Variants in OPCML observed in about 807,000 individuals in gnomAD.
The protein encoded by OPCML is opioid binding protein/cell adhesion molecule like.
A neutral mutation model predicts 37.8 loss-of-function variants in OPCML; 13 were observed. The observed-to-expected ratio is 0.34, with a 90% CI of 0.22 to 0.55. The LOEUF (loss-of-function observed/expected upper bound fraction) is 0.55, where lower values mean the gene tolerates loss of function less well. Among genes scored for constraint, OPCML ranks in the 20% least tolerant of loss-of-function variants. The pLI is 0.91. For missense variants in OPCML, 341 were observed against 435.6 expected (o/e 0.78, Z 1.93); for synonymous variants, 176 against 168.8 (o/e 1.04, Z -0.33).
At position 132,811,231 on chromosome 11, in the gene OPCML, T is replaced by C. The variant is rs1340976659; in HGVS notation, c.146+131695A>G. ...TCTCTAGGTTGGGAAACAGGGAATGTGGTCATTATTCTCTCCATTAAAATC... is the reference window on the plus strand; with the variant it reads ...TCTCTAGGTTGGGAAACAGGGAATGCGGTCATTATTCTCTCCATTAAAATC... On this transcript the variant is annotated intron_variant, in intron 2 of 7. Coordinates refer to ENST00000524381, the MANE Select transcript of OPCML (RefSeq NM_001012393.5). Among the ~76,000 whole-genome samples, 9 of 152,206 alleles carry C rather than the reference T, an allele frequency of 5.9e-5. No individual in the cohort carries two copies. In the East Asian group the frequency reaches 1.5e-3, roughly 26 times the overall value.
At position 133,455,774 on chromosome 11, in the gene OPCML, T is replaced by G. The variant is rs537763890; in HGVS notation, c.61+76490A>C. On this transcript the variant is annotated intron_variant, in intron 1 of 7. Transcript: ENST00000524381. ...TATCTGCAGATATACTAAAATGACT[T>G]TATATGAGCTCTGAAAACTAGTCAA... is the stretch of plus-strand genomic sequence containing the variant. Among the ~76,000 whole-genome samples the G allele has an allele frequency of 3.9e-5, 6 of 151,972 alleles. No homozygotes were observed. In the South Asian group the frequency reaches 8.3e-4, roughly 21 times the overall value.
At chr11:133,355,060 A>G (rs944268400) in intron 1 of OPCML, among the ~76,000 whole-genome samples, 23 of 152,270 alleles carry the variant, frequency 1.5e-4, no homozygotes, top group African/African-American at 5.3e-4. Flanking sequence ...ACCTACAAGA[A>G]AAAGGTCATA....
At chr11:133,204,355 C>G (rs1032346901) in intron 1 of OPCML, among the ~76,000 whole-genome samples, 2 of 152,154 alleles carry the variant, frequency 1.3e-5, no homozygotes, top group African/African-American at 4.8e-5. Context: ...TAAACCTACC[C>G]TTATTCTCCA....
intron 1 of OPCML, among the ~76,000 whole-genome samples, chr11:133,215,683 C>T (rs1939554403): frequency 6.6e-6 from 1 of 152,134 alleles, no homozygotes; most frequent in Non-Finnish European, 1.5e-5. Flanking sequence ...AGAACGTCTA[C>T]TTTGATGCCC....
At chr11:132,656,730 C>A (rs1474273242) in intron 3 of OPCML, among the ~76,000 whole-genome samples, 2 of 152,112 alleles carry the variant, frequency 1.3e-5, no homozygotes, top group Admixed American at 6.6e-5. Context: ...ATGAAATAAG[C>A]CTATAAGAGA....
chr11:133,411,715 C>T (rs143319742), intron 1 of OPCML, among the ~76,000 whole-genome samples: 1 of 152,282 alleles, frequency 6.6e-6, no homozygotes, highest in East Asian at 1.9e-4. Context: ...TGAGCAAGTG[C>T]CAGGCTCAGC....
chr11:132,577,414 T>C (rs964818620), intron 3 of OPCML, among the ~76,000 whole-genome samples: 3 of 152,176 alleles, frequency 2.0e-5, no homozygotes, highest in African/African-American at 7.2e-5. Context: ...TCAAAAATTG[T>C]TATTTAACAG....
At position 133,369,652 on chromosome 11, in the gene OPCML, T is replaced by A. The variant is rs143538312; in HGVS notation, c.61+162612A>T. Among the ~76,000 whole-genome samples the A allele has an allele frequency of 3.1e-3, 469 of 152,302 alleles. 2 individuals are homozygous for A. Among genetic ancestry groups the A allele is most frequent in the African/African-American group, 9.9e-3 (412 of 41,552 alleles). The stretch of plus-strand genomic sequence containing the variant: ...ATCATTCCACAACTCCATGCTGCAC[T>A]TTCCAAATGGGCTTGAAAAGAATTC... On this transcript the variant is annotated intron_variant, in intron 1 of 7. Coordinates refer to ENST00000524381, the MANE Select transcript of OPCML (RefSeq NM_001012393.5).
intron 1 of OPCML, among the ~76,000 whole-genome samples, chr11:133,020,672 A>T (rs1947433854): frequency 6.6e-6 from 1 of 152,186 alleles, no homozygotes; most frequent in Non-Finnish European, 1.5e-5. Context: ...GATCAAAATA[A>T]GCTGACACAA....
At chr11:133,014,236 T>C (rs1400623318) in intron 1 of OPCML, among the ~76,000 whole-genome samples, 3 of 152,134 alleles carry the variant, frequency 2.0e-5, no homozygotes, top group Admixed American at 6.5e-5. Context: ...AAGTTGGAAT[T>C]CAAAAGCCAC....
intron 1 of OPCML, among the ~76,000 whole-genome samples, chr11:133,140,522 T>TAAGAAGAAGAAGAAGAAGAAGAAGAAG (rs1296215663): frequency 3.4e-5 from 2 of 59,452 alleles, no homozygotes; most frequent in Non-Finnish European, 7.3e-5. Flanking sequence ...AAAATAATAA[T>TAAGAAGAAGAAGAAGAAGAAGAAGAAG]AATAATAATA....
chr11:132,474,747 G>A (rs1311640162), intron 4 of OPCML, among the ~76,000 whole-genome samples: 1 of 152,120 alleles, frequency 6.6e-6, no homozygotes, highest in Non-Finnish European at 1.5e-5. Flanking sequence ...CCAGGGTGGA[G>A]CACCACCCTG....
At chr11:132,813,236 A>T (rs1046810891) in intron 2 of OPCML, among the ~76,000 whole-genome samples, 1 of 152,150 alleles carries the variant, frequency 6.6e-6, no homozygotes, top group African/African-American at 2.4e-5. Context: ...CCATCTGCAT[A>T]TCTCTTTTAA....
intron 2 of OPCML, among the ~76,000 whole-genome samples, chr11:132,813,552 T>C (rs1939465953): frequency 6.6e-6 from 1 of 152,160 alleles, no homozygotes; most frequent in South Asian, 2.1e-4. Flanking sequence ...TCTCCTCTCT[T>C]CTGTATCCCC....
intron 1 of OPCML, chr11:133,064,985 A>C (rs535985761): frequency 1.3e-5 from 2 of 152,280 alleles, no homozygotes; most frequent in Non-Finnish European, 2.9e-5. Flanking sequence ...GGGAGAGGCG[A>C]CCTGTCAGGG....
chr11:133,140,314 C>A lies in OPCML; in HGVS notation c.62-197304G>T, dbSNP rs547043545. Among the ~76,000 whole-genome samples the A allele has an allele frequency of 3.0e-3, 443 of 149,732 alleles. 4 individuals are homozygous for A. Among genetic ancestry groups the A allele is most frequent in the African/African-American group, 0.01 (427 of 40,996 alleles). ...ATCACCTGAGGTCAGGAGTTCAAGA[C>A]CAGCCTAGCCAATGTGGTGAAATGC... On this transcript the variant is annotated intron_variant, in intron 1 of 7. Coordinates refer to ENST00000524381, the MANE Select transcript of OPCML (RefSeq NM_001012393.5).
chr11:133,198,600 G>A (rs766150318), intron 1 of OPCML, among the ~76,000 whole-genome samples: 2 of 152,244 alleles, frequency 1.3e-5, no homozygotes, highest in Admixed American at 6.5e-5. Context: ...ATGGGAACAC[G>A]TGAAGCACTG....
At chr11:132,836,355 G>A (rs11223239) in intron 2 of OPCML, among the ~76,000 whole-genome samples, 23,803 of 152,202 alleles carry the variant, frequency 0.16, 2,388 homozygotes, top group Non-Finnish European at 0.24. Context: ...AGAATTATTT[G>A]TACAGCATGA....
rs146602261 is a variant in OPCML at position 132,945,814 on chromosome 11, G to A, written c.62-2804C>T. On this transcript the variant is annotated intron_variant, in intron 1 of 7. Transcript: ENST00000524381. ...TTGTTTGTTTTTGAGACGGAGTCTC[G>A]CTCTGTCACCCAGGCTGGAGTGCAG... Among the ~76,000 whole-genome samples, 1,117 of 152,066 alleles carry A rather than the reference G, an allele frequency of 7.3e-3. 7 individuals are homozygous for A. The highest frequency in any genetic ancestry group is 0.012 in the Non-Finnish European group (824 of 67,994).
Sources: gnomAD v4.1 joint callset for allele counts (sites outside exome capture counted in the v4.1 genomes callset) on GRCh38, gnomAD v4.1.1 for gene constraint, MANE v1.5 for transcripts, NCBI Gene and HGNC (gene_info 2026-07-23, HGNC 2026-07-21) for gene names.